The following LOC400499 variants were observed in gnomAD, a reference collection of about 807,000 sequenced individuals.
chr16:11,405,874 AC>A, the LOC400499 span, among the ~76,000 whole-genome samples: 4 of 152,020 alleles, frequency 2.6e-5, no homozygotes, highest in Non-Finnish European at 5.9e-5. Context: ...GGCCTGACTG[AC>A]CCTGTGTGAT....
At chr16:11,469,558 T>C in the LOC400499 span, 1 of 399,054 alleles carries the variant, frequency 2.5e-6, no homozygotes, top group East Asian at 3.6e-5. Context: ...CCGGAACTTG[T>C]TCTGGGGCAA....
the LOC400499 span, among the ~76,000 whole-genome samples, chr16:11,489,547 T>A: frequency 7.9e-5 from 12 of 152,012 alleles, no homozygotes; most frequent in Non-Finnish European, 1.0e-4. Context: ...CCTCCCCCCA[T>A]TGTCTCAGGC....
chr16:11,483,548 A>G, the LOC400499 span, among the ~76,000 whole-genome samples: 9 of 152,126 alleles, frequency 5.9e-5, no homozygotes, highest in Non-Finnish European at 1.3e-4. Flanking sequence ...GAAGCCAAAC[A>G]AAAAAGAGTA....
At chr16:11,403,350 G>C in the LOC400499 span, among the ~76,000 whole-genome samples, 1 of 152,208 alleles carries the variant, frequency 6.6e-6, no homozygotes, top group Non-Finnish European at 1.5e-5. Context: ...GACCCCACCT[G>C]CAACACTGTC....
At chr16:11,393,257 G>T in the LOC400499 span, 2 of 573,332 alleles carry the variant, frequency 3.5e-6, no homozygotes, top group South Asian at 1.8e-4. Context: ...GCCTCCCAAA[G>T]TGCTAGGATT....
the LOC400499 span, among the ~76,000 whole-genome samples, chr16:11,376,667 A>G: frequency 1.3e-5 from 2 of 152,150 alleles, no homozygotes; most frequent in African/African-American, 4.8e-5. Context: ...TGTTTTGGCC[A>G]TTTGGAGTCC....
chr16:11,455,253 G>C, the LOC400499 span, among the ~76,000 whole-genome samples: 1 of 152,124 alleles, frequency 6.6e-6, no homozygotes, highest in Non-Finnish European at 1.5e-5. Context: ...AAATGGAAGA[G>C]AATATGTATT....
the LOC400499 span, among the ~76,000 whole-genome samples, chr16:11,520,303 C>G: frequency 6.6e-6 from 1 of 152,088 alleles, no homozygotes; most frequent in African/African-American, 2.4e-5. Context: ...GGAAAACATC[C>G]TGTACAATTC....
At chr16:11,440,498 A>G in the LOC400499 span, among the ~76,000 whole-genome samples, 1 of 152,218 alleles carries the variant, frequency 6.6e-6, no homozygotes, top group African/African-American at 2.4e-5. Flanking sequence ...GCCACGCTGA[A>G]CTGCACATGA....
the LOC400499 span, among the ~76,000 whole-genome samples, chr16:11,457,360 G>A: frequency 1.3e-5 from 2 of 152,062 alleles, no homozygotes; most frequent in Non-Finnish European, 2.9e-5. Context: ...TTGGGAGGCC[G>A]AGGCGGGTGG....
the LOC400499 span, among the ~76,000 whole-genome samples, chr16:11,480,547 T>C: frequency 6.6e-6 from 1 of 152,212 alleles, no homozygotes; most frequent in Admixed American, 6.6e-5. Context: ...ATGTAAACTG[T>C]GGTTCCTACC....
the LOC400499 span, chr16:11,390,221 G>C: frequency 8.9e-6 from 11 of 1,232,422 alleles, no homozygotes; most frequent in Non-Finnish European, 1.1e-5. Context: ...GGAGGGGACA[G>C]TGAGAGCTGG....
the LOC400499 span, among the ~76,000 whole-genome samples, chr16:11,492,175 C>T: frequency 6.6e-6 from 1 of 152,110 alleles, no homozygotes; most frequent in Non-Finnish European, 1.5e-5. Flanking sequence ...AATGTCTTGG[C>T]CTTCCTAGGC....
At chr16:11,469,690 G>C in the LOC400499 span, 1 of 399,028 alleles carries the variant, frequency 2.5e-6, no homozygotes, top group Non-Finnish European at 4.4e-6. Flanking sequence ...GAGTCTTCAA[G>C]ATTGAGAGCC....
the LOC400499 span, among the ~76,000 whole-genome samples, chr16:11,415,155 G>A: frequency 6.6e-6 from 1 of 152,176 alleles, no homozygotes; most frequent in Admixed American, 6.5e-5. Context: ...ACCTGGCCCT[G>A]GCTGGAGGGT....
the LOC400499 span, among the ~76,000 whole-genome samples, chr16:11,377,889 T>C: frequency 1.3e-5 from 2 of 152,220 alleles, no homozygotes; most frequent in African/African-American, 2.4e-5. Flanking sequence ...AAATGTTTGG[T>C]GATTCACCAG....
chr16:11,445,089 TA>T, the LOC400499 span, among the ~76,000 whole-genome samples: 52 of 143,520 alleles, frequency 3.6e-4, no homozygotes, highest in Middle Eastern at 7.0e-3. Context: ...ACTTTGTCTT[TA>T]AAAAAAAAAA....
chr16:11,493,498 T>C, the LOC400499 span: 5 of 388,752 alleles, frequency 1.3e-5, no homozygotes, highest in African/African-American at 2.1e-5. Flanking sequence ...TAGACCTGGA[T>C]ACCTGTTCAC....
At chr16:11,497,718 GT>G in the LOC400499 span, among the ~76,000 whole-genome samples, 33,325 of 152,242 alleles carry the variant, frequency 0.22, 4,561 homozygotes, top group Middle Eastern at 0.35. Context: ...GACCCAGTTG[GT>G]TCTGTGTATG....
Sources: gnomAD v4.1 joint callset for allele counts (sites outside exome capture counted in the v4.1 genomes callset) on GRCh38, gnomAD v4.1.1 for gene constraint, MANE v1.5 for transcripts.